The following FBLN1 variants were observed in gnomAD, a reference collection of about 807,000 sequenced individuals.
FBLN1 encodes fibulin 1.
Under a neutral mutation model 89.7 loss-of-function variants are expected in FBLN1, and 34 were observed. The ratio of observed to expected loss-of-function variants is 0.38; its 90% confidence interval spans 0.29 to 0.50. The LOEUF (loss-of-function observed/expected upper bound fraction) is 0.50. Ranked by LOEUF, FBLN1 falls within the 20% of genes least tolerant of loss-of-function variation. The probability of loss-of-function intolerance (pLI) is 0.92; values close to 1 mark genes in which losing one functional copy is unlikely to be tolerated. For missense variants in FBLN1, 777 were observed against 988.1 expected (o/e 0.79, Z 2.86); for synonymous variants, 393 against 391.3 (o/e 1.00, Z -0.05).
chr22:45,525,876 G>A (rs114598308), intron 3 of FBLN1, among the ~76,000 whole-genome samples, 198 bp downstream of exon 3: 2,967 of 152,324 alleles, frequency 0.019, 91 homozygotes, highest in African/African-American at 0.068. Context: ...CGTAAACCCC[G>A]GAGGACACCT....
rs368286988 is a variant in FBLN1, at chr22:45,533,207, T to G, written c.646+43T>G. On this transcript the variant is annotated intron_variant, in intron 6 of 16. Coordinates refer to ENST00000327858, the MANE Select transcript of FBLN1 (RefSeq NM_006486.3). ...GGTGCCAGCAGGACTGGCCGGTCAC[T>G]GTGCTTGGGAGCTCTGTGCTGGAGG... The G allele has an allele frequency of 2.6e-6, 4 of 1,548,536 alleles. No homozygotes were observed. The African/African-American group carries it at 5.4e-5, about 21-fold the overall frequency.
chr22:45,504,322 C>T (rs541465231), intron 1 of FBLN1, among the ~76,000 whole-genome samples: 10 of 152,230 alleles, frequency 6.6e-5, no homozygotes, highest in Non-Finnish European at 1.0e-4. Flanking sequence ...GTGCTGGGCA[C>T]GGCCTGGGCA....
intron 8 of FBLN1, among the ~76,000 whole-genome samples, chr22:45,540,830 C>T (rs1215947161): frequency 6.6e-6 from 1 of 152,220 alleles, no homozygotes; most frequent in East Asian, 1.9e-4. Flanking sequence ...CCCTGTGAAG[C>T]CCAGTCATCG....
At position 45,548,718 on chromosome 22, in the gene FBLN1, T is replaced by C. The variant is rs1404270918; in HGVS notation, c.1547T>C (p.Leu516Pro). ...QCSCPSSGYR[L>P]APNGRNCQDI... ...AGCTGCCCCTCGTCTGGCTACAGGC[T>C]GGCCCCCAATGGCCGCAACTGCCAA... The change falls in exon 13 of 17, where the codon CTG becomes CCG. Residue 516 changes from leucine (L) to proline (P), a missense_variant. By Grantham distance (98) the Leu-to-Pro change is moderately conservative. Coordinates refer to ENST00000327858, the MANE Select transcript of FBLN1 (RefSeq NM_006486.3). The C allele has an allele frequency of 1.9e-6, 3 of 1,613,254 alleles. No homozygotes were observed. The highest frequency in any genetic ancestry group is 2.5e-6 in the Non-Finnish European group (3 of 1,179,996).
chr22:45,506,206 G>A (rs1256633084), intron 1 of FBLN1, among the ~76,000 whole-genome samples: 2 of 152,242 alleles, frequency 1.3e-5, no homozygotes, highest in African/African-American at 2.4e-5. Flanking sequence ...AGGGGAGCGC[G>A]GGAAGAGCGC....
At chr22:45,542,902 G>C (rs796653324) in intron 10 of FBLN1, among the ~76,000 whole-genome samples, 2 of 152,246 alleles carry the variant, frequency 1.3e-5, no homozygotes, top group Non-Finnish European at 2.9e-5. Context: ...CAGGCACAGC[G>C]CGGCAGTCCC....
At chr22:45,558,242 A>G in intron 14 of FBLN1, 2 of 546,274 alleles carry the variant, frequency 3.7e-6, no homozygotes, top group Non-Finnish European at 6.9e-6. Flanking sequence ...TTGATGATGG[A>G]ATGCTGCTGT....
At chr22:45,596,448 G>T (rs9626401) in intron 16 of FBLN1, among the ~76,000 whole-genome samples, 2,877 of 152,168 alleles carry the variant, frequency 0.019, 101 homozygotes, top group African/African-American at 0.067. Context: ...CGTAGCATGC[G>T]CAGACCCTCT....
At chr22:45,584,765 G>A (rs1181132591) in intron 16 of FBLN1, among the ~76,000 whole-genome samples, 1 of 152,312 alleles carries the variant, frequency 6.6e-6, no homozygotes, top group South Asian at 2.1e-4. Context: ...AAGGATGATG[G>A]GACAGGGCCA....
Position 45,563,123 on chromosome 22 carries a change from C to A in FBLN1, c.1698-11388C>A, listed in dbSNP as rs756198840. 2.5e-6 allele frequency: 4 copies of A among 1,613,316 alleles called. No individual in the cohort carries two copies. The highest frequency in any genetic ancestry group is 3.4e-6 in the Non-Finnish European group (4 of 1,180,016). ...CTTTTTCACCACCCGGAAGGTGAGC[C>A]CCCACAGTGGGGTGGTGGCCCTCAC... On this transcript the variant is annotated intron_variant, in intron 14 of 16. Transcript: ENST00000327858. This position sits in a 1 kb window ranked among gnomAD's most constrained non-coding sequence, Gnocchi z 5.7.
intron 14 of FBLN1, among the ~76,000 whole-genome samples, chr22:45,555,824 G>A (rs1390195153): frequency 6.6e-6 from 1 of 151,946 alleles, no homozygotes; most frequent in African/African-American, 2.4e-5. Flanking sequence ...TACTTCATAC[G>A]ACCAGAAACT....
chr22:45,509,931 C>T (rs879308237), intron 1 of FBLN1, among the ~76,000 whole-genome samples: 9 of 152,102 alleles, frequency 5.9e-5, no homozygotes, highest in Non-Finnish European at 1.3e-4. Flanking sequence ...GTCCGGGAGG[C>T]ACACAGGATG....
At chr22:45,573,929 A>C (rs1386832229) in intron 14 of FBLN1, among the ~76,000 whole-genome samples, 4 of 152,104 alleles carry the variant, frequency 2.6e-5, no homozygotes, top group East Asian at 1.9e-4. Context: ...AGGTTGTAAA[A>C]ATCTGTCTAG....
At chr22:45,517,325 T>C (rs2088182841) in intron 1 of FBLN1, 1 of 325,922 alleles carries the variant, frequency 3.1e-6, no homozygotes, top group African/African-American at 2.2e-5. Context: ...TGCTAATGCT[T>C]TCTGGCATTT....
rs778157929 is a variant in FBLN1 at position 45,542,149 on chromosome 22, T to G, written c.1067-6T>G. ...TTTCATCATGGCTTTCTTTCTCCTT[T>G]GCAAGATGTGGACGAGTGCGCGCCA... On this transcript the variant is annotated splice_polypyrimidine_tract_variant and splice_region_variant and intron_variant, in intron 9 of 16. Transcript: ENST00000327858. The G allele has an allele frequency of 6.2e-7, 1 of 1,614,086 alleles. No individual in the cohort carries two copies. The highest frequency in any genetic ancestry group is 8.5e-7 in the Non-Finnish European group (1 of 1,180,050).
At position 45,556,839 on chromosome 22, in the gene FBLN1, G is replaced by A. The variant is rs924003500; in HGVS notation, c.1697+6224G>A. Among the ~76,000 whole-genome samples the A allele has an allele frequency of 2.0e-5, 3 of 152,182 alleles. No individual in the cohort carries two copies. Among genetic ancestry groups the A allele is most frequent in the African/African-American group, 2.4e-5 (1 of 41,440 alleles). On this transcript the variant is annotated intron_variant, in intron 14 of 16. Coordinates refer to ENST00000327858, the MANE Select transcript of FBLN1 (RefSeq NM_006486.3). The surrounding 1 kb of genome is among the most constrained non-coding windows in gnomAD (Gnocchi z 4.6). ...ACTAAGACCTCTAGGCCAGCAGAAC[G>A]TAATGTTGCAGGAACAGGAAGCAAA...
rs1428139450 is a variant in FBLN1, at chr22:45,525,609, G to A, written c.252G>A (p.Leu84=). Residue 84 remains leucine, a synonymous_variant, in exon 3 of 17, where the codon CTG becomes CTA. Transcript: ENST00000327858. ...TGCACTGTGCCACGGGCATCAGCCT[G>A]GCCAACGAGCAGGACCGCTGTGCCA... is the stretch of plus-strand genomic sequence containing the variant. ...EELHCATGIS[L]ANEQDRCATP... 2 of 1,550,910 alleles carry A rather than the reference G, an allele frequency of 1.3e-6. No homozygotes were observed. The highest frequency in any genetic ancestry group is 1.7e-6 in the Non-Finnish European group (2 of 1,146,926).
intron 16 of FBLN1, among the ~76,000 whole-genome samples, chr22:45,591,343 G>T (rs553037924): frequency 7.0e-6 from 1 of 142,472 alleles, no homozygotes; most frequent in African/African-American, 3.0e-5. Context: ...TAGTTCCCAC[G>T]CCACAGGTGA....
At position 45,563,467 on chromosome 22, in the gene FBLN1, C is replaced by T; in HGVS notation, c.1698-11044C>T. 2 of 1,102,766 alleles carry T rather than the reference C, an allele frequency of 1.8e-6. No homozygotes were observed. The highest frequency in any genetic ancestry group is 2.5e-6 in the Non-Finnish European group (2 of 788,650). 68.3% of individuals were successfully genotyped at this position (1,102,766 alleles called of 1,614,324 possible). A position where few individuals can be genotyped will look rare whatever the true frequency, so the allele number is the denominator to read the frequency against. On this transcript the variant is annotated intron_variant, in intron 14 of 16. Transcript: ENST00000327858. This position sits in a 1 kb window ranked among gnomAD's most constrained non-coding sequence, Gnocchi z 5.7. ...ACCGCCTGGTACCCCCGAGGGCTGA[C>T]TGAGGAGCGCTCCCCACTAGAGGGT...
Sources: gnomAD v4.1 joint callset for allele counts (sites outside exome capture counted in the v4.1 genomes callset) on GRCh38, gnomAD v4.1.1 for gene constraint, Gnocchi (gnomAD v3.1) non-coding constraint, MANE v1.5 for transcripts, NCBI Gene and HGNC (gene_info 2026-07-23, HGNC 2026-07-21) for gene names.